The following FNIP1 variants were observed in gnomAD, a reference collection of about 807,000 sequenced individuals.
FNIP1 encodes the protein folliculin-interacting protein 1.
A neutral mutation model predicts 124.5 loss-of-function variants in FNIP1; 40 were observed. That is an observed-to-expected ratio of 0.32 (90% CI 0.25 to 0.42). The LOEUF is 0.42. FNIP1 is among the 10% of genes least tolerant of loss of function. FNIP1 has a pLI of 1.00. For missense variants in FNIP1, 1,176 were observed against 1,403.7 expected, an observed-to-expected ratio of 0.84 and a Z score of 2.59; for synonymous variants, 472 against 470.6, an observed-to-expected ratio of 1.00 and a Z score of -0.04.
intron 15 of FNIP1, among the ~76,000 whole-genome samples, chr5:131,655,639 A>G (rs968678816): frequency 6.6e-6 from 1 of 152,012 alleles, no homozygotes; most frequent in African/African-American, 2.4e-5. Flanking sequence ...CAACTTAATC[A>G]TCTCTGCAGG....
intron 2 of FNIP1, among the ~76,000 whole-genome samples, chr5:131,743,926 T>G (rs143608495): frequency 3.4e-4 from 51 of 152,128 alleles, no homozygotes; most frequent in Non-Finnish European, 5.9e-4. Flanking sequence ...TTTAGCAGCT[T>G]TGTGAATGTT....
At chr5:131,711,576 C>T (rs1769293077) in intron 6 of FNIP1, among the ~76,000 whole-genome samples, 1 of 152,230 alleles carries the variant, frequency 6.6e-6, no homozygotes, top group Admixed American at 6.5e-5. Flanking sequence ...TCACTGCAAG[C>T]TCGAACTCCT....
chr5:131,719,084 G>C (rs992665352), intron 4 of FNIP1, 24 bp from the exon 5 acceptor site: 1 of 1,606,618 alleles, frequency 6.2e-7, no homozygotes, highest in Non-Finnish European at 8.5e-7. Flanking sequence ...GAGAAAGAGA[G>C]AGACCAAAAC....
intron 2 of FNIP1, among the ~76,000 whole-genome samples, chr5:131,743,553 A>G (rs1770577695): frequency 6.6e-6 from 1 of 152,126 alleles, no homozygotes; most frequent in Non-Finnish European, 1.5e-5. Context: ...AAGACAGAGA[A>G]GGACACTGCT....
intron 2 of FNIP1, among the ~76,000 whole-genome samples, chr5:131,733,337 T>C (rs1230192532): frequency 6.6e-6 from 1 of 152,188 alleles, no homozygotes; most frequent in African/African-American, 2.4e-5. Flanking sequence ...TCCTGCCTGA[T>C]TGCCCTGGCC....
chr5:131,697,502 C>T (rs571852544), intron 11 of FNIP1, among the ~76,000 whole-genome samples: 2 of 151,830 alleles, frequency 1.3e-5, no homozygotes, highest in East Asian at 1.9e-4. Context: ...ATATTGTTTC[C>T]CTATCTAGGG....
intron 3 of FNIP1, among the ~76,000 whole-genome samples, chr5:131,728,801 T>G (rs1326855819): frequency 1.3e-5 from 2 of 152,200 alleles, no homozygotes; most frequent in Non-Finnish European, 2.9e-5. Flanking sequence ...ATGCTCGTTT[T>G]TCCTCACTTC....
At chr5:131,777,403 C>T (rs947636183) in intron 1 of FNIP1, among the ~76,000 whole-genome samples, 3 of 151,650 alleles carry the variant, frequency 2.0e-5, no homozygotes, top group African/African-American at 7.3e-5. Context: ...ACTGGAATCG[C>T]TGGGAAAAAT....
intron 15 of FNIP1, among the ~76,000 whole-genome samples, chr5:131,669,435 G>A (rs898952552): frequency 2.6e-5 from 4 of 152,008 alleles, no homozygotes; most frequent in African/African-American, 9.7e-5. Context: ...TAAAATATTG[G>A]TAAATCAAAT....
intron 1 of FNIP1, among the ~76,000 whole-genome samples, chr5:131,765,386 C>T (rs186168953): frequency 6.6e-6 from 1 of 152,042 alleles, no homozygotes; most frequent in East Asian, 1.9e-4. Context: ...CTTTCAGATG[C>T]ATCATAAACT....
rs575392204 is a variant in FNIP1, at chr5:131,734,880, C to A, written c.220-3842G>T. Among the ~76,000 whole-genome samples, 3 of 152,322 alleles carry A rather than the reference C, an allele frequency of 2.0e-5. No homozygotes were observed. In the East Asian group the frequency reaches 5.8e-4, roughly 29 times the overall value. On this transcript the variant is annotated intron_variant, in intron 2 of 17. Transcript: ENST00000510461. Reference sequence around the variant, plus strand: ...TTGGTGGGACTGTAAACTAGTTCAACCATTGTGGAAGACAGTGTGGCGATT... The same window carrying A: ...TTGGTGGGACTGTAAACTAGTTCAAACATTGTGGAAGACAGTGTGGCGATT...
chr5:131,786,247 T>G (rs1772212332), intron 1 of FNIP1, among the ~76,000 whole-genome samples: 1 of 152,242 alleles, frequency 6.6e-6, no homozygotes, highest in Non-Finnish European at 1.5e-5. Flanking sequence ...GAATGCCTTC[T>G]TTGAGCTGGA....
intron 11 of FNIP1, among the ~76,000 whole-genome samples, chr5:131,690,052 C>G (rs1479392419): frequency 6.6e-6 from 1 of 151,958 alleles, no homozygotes; most frequent in Non-Finnish European, 1.5e-5. Flanking sequence ...AACCCCATCT[C>G]TACTAAAAAT....
intron 1 of FNIP1, among the ~76,000 whole-genome samples, chr5:131,781,723 C>T (rs980526396): frequency 3.9e-5 from 6 of 152,068 alleles, no homozygotes; most frequent in Non-Finnish European, 7.3e-5. Context: ...CAAAGAGCTC[C>T]AATGGTGATG....
At chr5:131,783,867 T>G (rs962781082) in intron 1 of FNIP1, among the ~76,000 whole-genome samples, 3 of 152,110 alleles carry the variant, frequency 2.0e-5, no homozygotes, top group African/African-American at 7.2e-5. Context: ...CAAAGACATT[T>G]TCAGACTTGC....
chr5:131,746,459 T>C (rs768559121), intron 1 of FNIP1, among the ~76,000 whole-genome samples: 1 of 152,168 alleles, frequency 6.6e-6, no homozygotes, highest in Non-Finnish European at 1.5e-5. Context: ...TCAGTGTCTA[T>C]TGTTGCCATC....
intron 17 of FNIP1, 73 bp from the exon 18 acceptor site, chr5:131,644,836 A>G (rs1766821132): frequency 4.9e-6 from 7 of 1,433,810 alleles, no homozygotes; most frequent in African/African-American, 1.4e-5. Context: ...GGCAATGACC[A>G]CCAACTGTAA....
chr5:131,768,044 G>A (rs983262703), intron 1 of FNIP1, among the ~76,000 whole-genome samples: 5 of 151,724 alleles, frequency 3.3e-5, no homozygotes, highest in Non-Finnish European at 7.4e-5. Context: ...CTTGGCCATA[G>A]TATTACTATC....
At chr5:131,796,460 C>T in intron 1 of FNIP1, 2 of 243,970 alleles carry the variant, frequency 8.2e-6, no homozygotes, top group Non-Finnish European at 1.6e-5. Flanking sequence ...GCCCGGAGTA[C>T]GGCGGCTGAG....
Sources: allele counts gnomAD v4.1 joint callset (sites outside exome capture counted in the v4.1 genomes callset), GRCh38; gene constraint gnomAD v4.1.1; transcripts MANE v1.5; gene names NCBI Gene and HGNC (gene_info 2026-07-23, HGNC 2026-07-21).